AMD1: variants seen among roughly 807,000 people sequenced by gnomAD.
AMD1 encodes adenosylmethionine decarboxylase 1, also known as S-adenosylmethionine decarboxylase proenzyme.
A neutral mutation model predicts 40.2 loss-of-function variants in AMD1; 11 were observed. That is an observed-to-expected ratio of 0.27 (90% CI 0.17 to 0.45). AMD1 has a LOEUF of 0.45. Ranked by LOEUF, AMD1 falls within the 20% of genes least tolerant of loss-of-function variation. AMD1 has a pLI of 1.00. For synonymous variants in AMD1, 121 were observed against 130.8 expected, an observed-to-expected ratio of 0.93 and a Z score of 0.51; for missense variants, 257 against 410.2, an observed-to-expected ratio of 0.63 and a Z score of 3.23.
the AMD1 span, among the ~76,000 whole-genome samples, chr6:110,819,944 T>A: frequency 6.6e-6 from 1 of 152,120 alleles, no homozygotes; most frequent in African/African-American, 2.4e-5. Context: ...ATAGGAGACA[T>A]CCTACCAGTG....
intron 6 of AMD1, 83 bp downstream of exon 6, chr6:110,892,526 C>G: frequency 6.3e-7 from 1 of 1,577,902 alleles, no homozygotes; most frequent in Non-Finnish European, 8.6e-7. Flanking sequence ...CTTTTAAGTT[C>G]AGGGTAACAA....
the AMD1 span, among the ~76,000 whole-genome samples, chr6:110,843,748 G>A: frequency 6.6e-6 from 1 of 151,864 alleles, no homozygotes; most frequent in Non-Finnish European, 1.5e-5. Flanking sequence ...ACCACACCTG[G>A]CTAATTTTTG....
At chr6:110,882,001 C>T (rs905195775) in intron 1 of AMD1, among the ~76,000 whole-genome samples, 1 of 152,120 alleles carries the variant, frequency 6.6e-6, no homozygotes. Context: ...CAAGGATTGC[C>T]AAATAGATCA....
chr6:110,858,895 G>T, the AMD1 span: 1 of 830,474 alleles, frequency 1.2e-6, no homozygotes, highest in Admixed American at 1.7e-5. Context: ...CCAGCCAGGT[G>T]GGCATGACGG....
chr6:110,822,598 A>T, the AMD1 span, among the ~76,000 whole-genome samples: 4 of 152,108 alleles, frequency 2.6e-5, no homozygotes, highest in African/African-American at 7.2e-5. Flanking sequence ...AGGACATTTT[A>T]AAAAAAAGAA....
chr6:110,885,872 G>T (rs571266524), intron 1 of AMD1, among the ~76,000 whole-genome samples: 1 of 152,310 alleles, frequency 6.6e-6, no homozygotes, highest in South Asian at 2.1e-4. Context: ...ATTCTACCAG[G>T]CATGTTTGGT....
intron 3 of AMD1, 65 bp downstream of exon 3, chr6:110,889,048 C>T (rs56171216): frequency 3.2e-6 from 5 of 1,559,450 alleles, no homozygotes; most frequent in African/African-American, 1.4e-5. Flanking sequence ...CTGTAATATG[C>T]GAAGTAAATA....
intron 8 of AMD1, 119 bp downstream of exon 8, chr6:110,893,184 A>G (rs1786128875): frequency 1.0e-6 from 1 of 997,978 alleles, no homozygotes. Context: ...TCAGATATCC[A>G]GAAGTAATAT....
intron 1 of AMD1, among the ~76,000 whole-genome samples, chr6:110,881,756 C>T (rs1405125609): frequency 1.3e-5 from 2 of 151,114 alleles, no homozygotes; most frequent in African/African-American, 2.4e-5. Context: ...ACCTGGGAGG[C>T]GGAGTTTGCA....
chr6:110,842,262 T>C, the AMD1 span, among the ~76,000 whole-genome samples: 45 of 152,162 alleles, frequency 3.0e-4, no homozygotes, highest in Admixed American at 1.7e-3. Context: ...CCAAGTTGTA[T>C]AGCAAGCAGG....
Position 110,892,446 on chromosome 6 carries a change from A to G in AMD1, c.615+3A>G. 1 of 1,611,472 alleles carries G rather than the reference A, an allele frequency of 6.2e-7. No individual in the cohort carries two copies. Among genetic ancestry groups the G allele is most frequent in the Admixed American group, 1.7e-5 (1 of 59,948 alleles). On this transcript the variant is annotated splice_donor_region_variant and intron_variant, in intron 6 of 8. Transcript: ENST00000368885. ...TTACTGCAAAGGATGTCACTCGTGT[A>G]AGCATTTTTAGTAATAATTGTTGCT...
the AMD1 span, among the ~76,000 whole-genome samples, chr6:110,852,857 T>G: frequency 5.3e-5 from 8 of 152,034 alleles, no homozygotes; most frequent in Non-Finnish European, 1.0e-4. Context: ...ATTAGTTAAT[T>G]AAGTAGTTCT....
intron 1 of AMD1, among the ~76,000 whole-genome samples, chr6:110,876,632 G>T (rs532690135): frequency 8.6e-5 from 13 of 151,704 alleles, no homozygotes; most frequent in Admixed American, 5.3e-4. Flanking sequence ...TTCAAGCTTC[G>T]TGTGACACTT....
the AMD1 span, chr6:110,814,901 G>T: frequency 1.4e-5 from 20 of 1,461,142 alleles, no homozygotes; most frequent in Non-Finnish European, 1.9e-5. Flanking sequence ...GACCCCCTCC[G>T]CCTCGCCCCT....
At chr6:110,846,984 A>G in the AMD1 span, among the ~76,000 whole-genome samples, 1 of 152,080 alleles carries the variant, frequency 6.6e-6, no homozygotes, top group Non-Finnish European at 1.5e-5. Flanking sequence ...TTATGTAGCT[A>G]TCTCTGAATG....
chr6:110,875,787 C>G (rs1191445711), intron 1 of AMD1, among the ~76,000 whole-genome samples: 1 of 151,980 alleles, frequency 6.6e-6, no homozygotes, highest in African/African-American at 2.4e-5. Context: ...CGGCCGCGGG[C>G]AGCATGTGGC....
At chr6:110,887,132 C>CTTTTT (rs78833445) in intron 1 of AMD1, among the ~76,000 whole-genome samples, 1 of 151,000 alleles carries the variant, frequency 6.6e-6, no homozygotes, top group African/African-American at 2.4e-5. Context: ...TTATGCTCTT[C>CTTTTT]TTTTTTTTTA....
the AMD1 span, among the ~76,000 whole-genome samples, chr6:110,853,313 T>TA: frequency 1.2e-5 from 1 of 85,148 alleles, no homozygotes; most frequent in African/African-American, 4.0e-5. Context: ...GGGTTTTTTG[T>TA]TTTTTTTTTT....
At chr6:110,835,851 G>A in the AMD1 span, among the ~76,000 whole-genome samples, 2 of 150,948 alleles carry the variant, frequency 1.3e-5, no homozygotes, top group African/African-American at 4.9e-5. Context: ...GGCAACAAGA[G>A]CAAGACTCCA....
Sources: allele counts gnomAD v4.1 joint callset (sites outside exome capture counted in the v4.1 genomes callset), GRCh38; gene constraint gnomAD v4.1.1; transcripts MANE v1.5; gene names NCBI Gene and HGNC (gene_info 2026-07-23, HGNC 2026-07-21).